Variants in NDST3 observed in about 807,000 individuals in gnomAD.
The protein encoded by NDST3 is bifunctional heparan sulfate N-deacetylase/N-sulfotransferase 3.
NDST3 carries 58 observed loss-of-function variants against 96.1 expected under a neutral mutation model. The observed-to-expected ratio is 0.60, with a 90% confidence interval of 0.49 to 0.75. NDST3 has a LOEUF of 0.75. Among genes scored for constraint, NDST3 ranks in the 30% least tolerant of loss-of-function variants. The pLI is 0.00. For synonymous variants in NDST3, 333 were observed against 359.7 expected (o/e 0.93, Z 0.84); for missense variants, 788 against 1,034.2 (o/e 0.76, Z 3.27).
At chr4:118,201,973 G>A (rs765921478) in intron 6 of NDST3, among the ~76,000 whole-genome samples, 1 of 152,108 alleles carries the variant, frequency 6.6e-6, no homozygotes, top group Non-Finnish European at 1.5e-5. Flanking sequence ...TATGGTGAAA[G>A]GTAGGGGTCT....
At chr4:118,240,824 A>G (rs1385944589) in intron 11 of NDST3, 130 bp downstream of exon 11, 2 of 808,470 alleles carry the variant, frequency 2.5e-6, no homozygotes, top group Non-Finnish European at 3.7e-6. Flanking sequence ...TAATGAGGCT[A>G]TGGCAAAGAG....
intron 6 of NDST3, among the ~76,000 whole-genome samples, chr4:118,148,490 C>T (rs1162304783): frequency 1.3e-5 from 2 of 152,144 alleles, no homozygotes; most frequent in Non-Finnish European, 2.9e-5. Context: ...CATACTTCCA[C>T]CATACCCTAC....
At chr4:118,115,499 G>A (rs1355296789) in intron 4 of NDST3, among the ~76,000 whole-genome samples, 1 of 152,184 alleles carries the variant, frequency 6.6e-6, no homozygotes, top group Admixed American at 6.5e-5. Flanking sequence ...GCAGGTAGGA[G>A]ACCATAATGA....
rs1335359065 is a variant in NDST3 at position 118,076,793 on chromosome 4, TTATTTCAGC to T, written c.981+21912_981+21920del. ...ATCCATATTCTGAATTCTACGCCTG[TTATTTCAGC>T]TATTTCAGCCTGGTTAAGAACCATT... On this transcript the variant is annotated intron_variant, in intron 2 of 13. Transcript: ENST00000296499. Among the ~76,000 whole-genome samples, 4 of 152,332 alleles carry T rather than the reference TTATTTCAGC, an allele frequency of 2.6e-5. No individual in the cohort carries two copies. The South Asian group carries it at 8.3e-4, about 32-fold the overall frequency.
intron 2 of NDST3, among the ~76,000 whole-genome samples, chr4:118,057,182 A>G (rs1183588046): frequency 3.3e-5 from 5 of 152,080 alleles, no homozygotes; most frequent in Non-Finnish European, 7.4e-5. Context: ...TCATGACATT[A>G]GAATTTGTCA....
chr4:118,196,599 G>T (rs1737705734), intron 6 of NDST3, among the ~76,000 whole-genome samples: 1 of 151,982 alleles, frequency 6.6e-6, no homozygotes, highest in Admixed American at 6.5e-5. Context: ...CTAGGAATTT[G>T]CCCATTTCTT....
chr4:118,121,482 A>C (rs1280409789), intron 4 of NDST3, among the ~76,000 whole-genome samples: 1 of 152,212 alleles, frequency 6.6e-6, no homozygotes, highest in Admixed American at 6.5e-5. Flanking sequence ...AGAACATTAG[A>C]GAAGGAGTGT....
chr4:118,189,920 T>C (rs1166923674), intron 6 of NDST3, among the ~76,000 whole-genome samples: 1 of 152,182 alleles, frequency 6.6e-6, no homozygotes, highest in African/African-American at 2.4e-5. Flanking sequence ...AAGATTTCCA[T>C]AGGTCTTTTA....
intron 2 of NDST3, among the ~76,000 whole-genome samples, chr4:118,056,703 C>A (rs1297425686): frequency 6.6e-6 from 1 of 151,868 alleles, no homozygotes; most frequent in Non-Finnish European, 1.5e-5. Flanking sequence ...AGAAGAGGGG[C>A]AGGGGAGAGT....
intron 2 of NDST3, among the ~76,000 whole-genome samples, chr4:118,090,984 T>A (rs1227810747): frequency 6.6e-6 from 1 of 151,612 alleles, no homozygotes; most frequent in Non-Finnish European, 1.5e-5. Context: ...CCTTAACTGG[T>A]GAACATTTAA....
chr4:118,209,487 T>C (rs935911678), intron 6 of NDST3, among the ~76,000 whole-genome samples: 65 of 152,346 alleles, frequency 4.3e-4, no homozygotes, highest in Middle Eastern at 6.8e-3. Context: ...ATGTAAATAT[T>C]TGTTCAGCAG....
rs149900301 is a variant in NDST3 at position 118,084,245 on chromosome 4, A to G, written c.982-20773A>G. ...TATAAAAACAAAAAAAAAATAGGTA[A>G]CTATGTGAGATGATGGATATGTTAT... On this transcript the variant is annotated intron_variant, in intron 2 of 13. Transcript: ENST00000296499. Among the ~76,000 whole-genome samples the G allele has an allele frequency of 3.0e-4, 46 of 152,292 alleles. No homozygotes were observed. The East Asian group carries it at 7.0e-3, about 23-fold the overall frequency.
chr4:118,173,104 A>G (rs1016110364), intron 6 of NDST3, among the ~76,000 whole-genome samples: 10 of 151,412 alleles, frequency 6.6e-5, no homozygotes, highest in Admixed American at 2.7e-4. Context: ...ACCTTATTTA[A>G]TCCTCACAAC....
intron 6 of NDST3, among the ~76,000 whole-genome samples, chr4:118,172,709 A>C (rs987321569): frequency 6.6e-6 from 1 of 152,130 alleles, no homozygotes; most frequent in Non-Finnish European, 1.5e-5. Flanking sequence ...AGGATAAAGC[A>C]CTGATTAAAA....
chr4:118,158,149 G>T (rs1164627533), intron 6 of NDST3, among the ~76,000 whole-genome samples: 1 of 152,100 alleles, frequency 6.6e-6, no homozygotes, highest in Admixed American at 6.6e-5. Flanking sequence ...AGAACTTAAG[G>T]TTTCCTACCT....
At chr4:118,052,128 A>T (rs577421236) in intron 1 of NDST3, among the ~76,000 whole-genome samples, 8 of 152,116 alleles carry the variant, frequency 5.3e-5, no homozygotes, top group Non-Finnish European at 1.2e-4. Context: ...ATAAACAATC[A>T]AACTAGATGC....
At chr4:118,181,342 A>G (rs976465523) in intron 6 of NDST3, among the ~76,000 whole-genome samples, 3 of 152,178 alleles carry the variant, frequency 2.0e-5, no homozygotes, top group African/African-American at 7.2e-5. Flanking sequence ...GATGGTTAAA[A>G]GGAAGAAGGA....
chr4:118,156,637 T>TG (rs147217588), intron 6 of NDST3, among the ~76,000 whole-genome samples: 8,094 of 152,036 alleles, frequency 0.053, 721 homozygotes, highest in African/African-American at 0.18. Context: ...TTTGAGTAAC[T>TG]GGTTTTTATT....
intron 2 of NDST3, among the ~76,000 whole-genome samples, chr4:118,077,488 C>G (rs1578591598): frequency 6.6e-6 from 1 of 152,162 alleles, no homozygotes; most frequent in Non-Finnish European, 1.5e-5. Context: ...AGAGATGACA[C>G]CCTCACCTAA....
Sources: allele counts gnomAD v4.1 joint callset (sites outside exome capture counted in the v4.1 genomes callset), GRCh38; gene constraint gnomAD v4.1.1; transcripts MANE v1.5; gene names NCBI Gene and HGNC (gene_info 2026-07-23, HGNC 2026-07-21).